The following SLC6A6 variants were observed in gnomAD, a reference collection of about 807,000 sequenced individuals.
SLC6A6 encodes sodium- and chloride-dependent taurine transporter.
In SLC6A6, 16 loss-of-function variants were observed where a neutral mutation model predicts 68.8. The ratio of observed to expected loss-of-function variants is 0.23; its 90% CI spans 0.16 to 0.35. The LOEUF (loss-of-function observed/expected upper bound fraction) is 0.35, where lower values mean the gene tolerates loss of function less well. SLC6A6 is among the 10% of genes least tolerant of loss of function. The pLI is 1.00. For synonymous variants in SLC6A6, 312 were observed against 315.4 expected (o/e 0.99, Z 0.12); for missense variants, 474 against 802.8 (o/e 0.59, Z 4.95).
In SLC6A6 at chr3:14,472,857, G is replaced by T. The variant is rs3821592; in HGVS notation, c.1209+540G>T. Among the ~76,000 whole-genome samples, 9 of 152,256 alleles carry T rather than the reference G, an allele frequency of 5.9e-5. No homozygotes were observed. Among genetic ancestry groups the T allele is most frequent in the African/African-American group, 1.7e-4 (7 of 41,470 alleles). ...CTCAGGATTCTGTGCTCCCTGGAGC[G>T]TGCGAGGGGCTGGGCATTGGCTCCC... On this transcript the variant is annotated intron_variant, in intron 10 of 14. Coordinates refer to ENST00000622186, the MANE Select transcript of SLC6A6 (RefSeq NM_003043.6). This position sits in a 1 kb window ranked among gnomAD's most constrained non-coding sequence, Gnocchi z 4.5.
At chr3:14,434,516 GAGTTAACAGCCAC>G (rs1349928525) in intron 2 of SLC6A6, among the ~76,000 whole-genome samples, 25 of 152,222 alleles carry the variant, frequency 1.6e-4, no homozygotes, top group Non-Finnish European at 7.3e-5. Context: ...ATAGTAGGGT[GAGTTAACAGCCAC>G]TGCTTGCCAA....
chr3:14,441,038 G>GA (rs955346509), intron 2 of SLC6A6, among the ~76,000 whole-genome samples: 14 of 152,298 alleles, frequency 9.2e-5, no homozygotes, highest in African/African-American at 3.4e-4. Flanking sequence ...AGAGCAAAGG[G>GA]ACTTGGGGAA....
At chr3:14,463,577 C>G (rs1299426823) in intron 6 of SLC6A6, among the ~76,000 whole-genome samples, 1 of 152,252 alleles carries the variant, frequency 6.6e-6, no homozygotes, top group Non-Finnish European at 1.5e-5. Context: ...GGGTGTGGCC[C>G]ACAAAGGGCC....
At chr3:14,424,531 T>C (rs1262782454) in intron 2 of SLC6A6, among the ~76,000 whole-genome samples, 1 of 125,594 alleles carries the variant, frequency 8.0e-6, no homozygotes, top group African/African-American at 3.1e-5. Flanking sequence ...CTCTGGGCAA[T>C]GGGGAGGGGA....
At chr3:14,426,714 A>G (rs528892279) in intron 2 of SLC6A6, among the ~76,000 whole-genome samples, 12 of 152,290 alleles carry the variant, frequency 7.9e-5, no homozygotes, top group African/African-American at 2.4e-4. Context: ...GAACAGGTGG[A>G]ATTAGGAGAA....
At chr3:14,431,252 G>A (rs867089898) in intron 2 of SLC6A6, among the ~76,000 whole-genome samples, 6 of 152,176 alleles carry the variant, frequency 3.9e-5, no homozygotes, top group Non-Finnish European at 5.9e-5. Flanking sequence ...TGTCGCCCTC[G>A]TAGAGGAGCT....
At chr3:14,478,330 T>C (rs1476087003) in intron 11 of SLC6A6, 136 bp from the exon 12 acceptor site, 12 of 667,728 alleles carry the variant, frequency 1.8e-5, no homozygotes, top group African/African-American at 1.6e-4. Context: ...TTTTGTATAT[T>C]TATCTGGTCA....
intron 1 of SLC6A6, among the ~76,000 whole-genome samples, chr3:14,404,302 C>CAGGG (rs1446953139): frequency 6.6e-6 from 1 of 151,750 alleles, no homozygotes; most frequent in Non-Finnish European, 1.5e-5. Context: ...CCCTCTCGAC[C>CAGGG]AGGGAGTCAC....
chr3:14,467,907 G>A lies in SLC6A6; in HGVS notation c.922G>A (p.Ala308Thr), dbSNP rs977467506. ...IFFSYAICLG[A>T]MTSLGSYNKY... The stretch of plus-strand genomic sequence containing the variant: ...CTTCTCTTATGCCATCTGCCTGGGG[G>A]CTATGACCTCGCTGGGGAGCTACAA... Residue 308 changes from alanine to threonine, a missense_variant, in exon 8 of 15, where the codon GCT becomes ACT. Ala to Thr is a moderately conservative substitution (Grantham distance 58). Transcript: ENST00000622186. 1 of 1,613,966 alleles carries A rather than the reference G, an allele frequency of 6.2e-7. No individual in the cohort carries two copies. The highest frequency in any genetic ancestry group is 8.5e-7 in the Non-Finnish European group (1 of 1,179,892).
intron 12 of SLC6A6, 37 bp from the exon 13 acceptor site, chr3:14,479,048 C>T (rs1700947854): frequency 9.3e-6 from 13 of 1,401,412 alleles, no homozygotes; most frequent in Admixed American, 5.0e-5. Flanking sequence ...TGGCCTTGAA[C>T]GCTGTGTCAG....
intron 1 of SLC6A6, among the ~76,000 whole-genome samples, chr3:14,410,369 A>T (rs899916405): frequency 6.6e-6 from 1 of 152,152 alleles, no homozygotes; most frequent in Non-Finnish European, 1.5e-5. Flanking sequence ...TTTTGTCACA[A>T]GTCACTGGAA....
chr3:14,457,972 C>G lies in SLC6A6; in HGVS notation c.622C>G (p.Pro208Ala). Residue 208 changes from proline (P) to alanine (A), a missense_variant, in exon 6 of 15, where the codon CCT becomes GCT. Transcript: ENST00000622186. ...FWERNVLSLS[P>A]GIDHPGSLKW... ...AAGGCGCAACGTGCTGAGCTTGTCCCCTGGAATCGACCACCCAGGCTCTCT... is the reference window on the plus strand; with the variant it reads ...AAGGCGCAACGTGCTGAGCTTGTCCGCTGGAATCGACCACCCAGGCTCTCT... The G allele has an allele frequency of 6.2e-7, 1 of 1,614,194 alleles. No individual in the cohort carries two copies. The highest frequency in any genetic ancestry group is 8.5e-7 in the Non-Finnish European group (1 of 1,180,014).
At position 14,484,931 on chromosome 3, in the gene SLC6A6, C is replaced by T. The variant is rs372250030; in HGVS notation, c.1787C>T (p.Thr596Ile). ...NRWAVEREGA[T>I]PYNSRTVMNG... ...TGGGCTGTGGAGCGCGAGGGAGCCACACCTTACAACTCTCGCACCGTCATG... is the reference window on the plus strand; with the variant it reads ...TGGGCTGTGGAGCGCGAGGGAGCCATACCTTACAACTCTCGCACCGTCATG... The change falls in exon 15 of 15, where the codon ACA (threonine) becomes ATA (isoleucine). Residue 596 changes from threonine to isoleucine, a missense_variant. Thr to Ile is a moderately conservative substitution (Grantham distance 89). Around this residue, in one of 2 missense-constraint regions of SLC6A6, gnomAD observed 194 missense variants for 269.8 expected, o/e 0.72. Transcript: ENST00000622186. 3.7e-6 allele frequency: 6 copies of T among 1,612,646 alleles called. No homozygotes were observed. In the African/African-American group the frequency reaches 5.3e-5, roughly 14 times the overall value.
intron 2 of SLC6A6, among the ~76,000 whole-genome samples, chr3:14,426,527 GCTA>G (rs1224523022): frequency 6.6e-6 from 1 of 152,166 alleles, no homozygotes; most frequent in Non-Finnish European, 1.5e-5. Flanking sequence ...ACACAGTCTC[GCTA>G]CTTTCGGACT....
intron 2 of SLC6A6, among the ~76,000 whole-genome samples, chr3:14,419,338 G>A (rs982343696): frequency 2.6e-5 from 4 of 152,166 alleles, no homozygotes; most frequent in South Asian, 2.1e-4. Context: ...CTAGGTGTGC[G>A]CCCTCCTCAC....
At chr3:14,415,502 C>T (rs1699343095) in intron 1 of SLC6A6, among the ~76,000 whole-genome samples, 1 of 152,056 alleles carries the variant, frequency 6.6e-6, no homozygotes, top group Non-Finnish European at 1.5e-5. Context: ...CCCTGAGACA[C>T]CCACTGCCCA....
chr3:14,479,117 A>G lies in SLC6A6; in HGVS notation c.1483A>G (p.Met495Val), dbSNP rs777593198. 1.9e-6 allele frequency: 3 copies of G among 1,613,226 alleles called. No homozygotes were observed. Among genetic ancestry groups the G allele is most frequent in the African/African-American group, 2.7e-5 (2 of 74,886 alleles). Residue 495 changes from methionine (M) to valine (V), a missense_variant, in exon 13 of 15, where the codon ATG becomes GTG. Met to Val is a conservative substitution (Grantham distance 21). This residue lies in a region of SLC6A6 where 194 missense variants were observed against 269.8 expected (regional missense o/e 0.72). Transcript: ENST00000622186. Reference protein sequence around the residue: ...GDNLYDGIEDMIGYRPGPWMK... With the variant: ...GDNLYDGIEDVIGYRPGPWMK... ...TAACCTTTATGATGGTATTGAGGAC[A>G]TGATTGGCTATCGGCCCGGGCCCTG...
chr3:14,475,043 T>C (rs1024409788), intron 10 of SLC6A6, among the ~76,000 whole-genome samples: 1 of 152,158 alleles, frequency 6.6e-6, no homozygotes, highest in Admixed American at 6.5e-5. Context: ...GGTTTTTTGT[T>C]TGTTTTGAGA....
intron 2 of SLC6A6, among the ~76,000 whole-genome samples, chr3:14,436,255 A>C (rs1699848526): frequency 6.6e-6 from 1 of 152,066 alleles, no homozygotes; most frequent in South Asian, 2.1e-4. Context: ...GCCTGGAGTG[A>C]GGTGGCATGA....
Sources: gnomAD v4.1 joint callset for allele counts (sites outside exome capture counted in the v4.1 genomes callset) on GRCh38, gnomAD v4.1.1 for gene constraint, gnomAD v4.1.1 regional missense constraint, Gnocchi (gnomAD v3.1) non-coding constraint, MANE v1.5 for transcripts, NCBI Gene and HGNC (gene_info 2026-07-23, HGNC 2026-07-21) for gene names.